The following DEPDC1B variants were observed in gnomAD, a reference collection of about 807,000 sequenced individuals.
DEPDC1B encodes the protein DEP domain containing 1B, also known as DEP domain-containing protein 1B.
Under a neutral mutation model 66.5 loss-of-function variants are expected in DEPDC1B, and 51 were observed. The ratio of observed to expected loss-of-function variants is 0.77; its 90% confidence interval spans 0.61 to 0.97. The LOEUF (loss-of-function observed/expected upper bound fraction) is 0.97, where lower values mean the gene tolerates loss of function less well. Among genes scored for constraint, DEPDC1B ranks in the 50% least tolerant of loss-of-function variants. The pLI, the probability that DEPDC1B is intolerant of heterozygous loss-of-function variation, is 0.00. For synonymous variants in DEPDC1B, 226 were observed against 223.6 expected (o/e 1.01, Z -0.10); for missense variants, 552 against 637.1 (o/e 0.87, Z 1.44).
intron 2 of DEPDC1B, among the ~76,000 whole-genome samples, chr5:60,682,251 A>C (rs1451128162): frequency 1.3e-5 from 2 of 152,354 alleles, no homozygotes; most frequent in African/African-American, 4.8e-5. Context: ...CATTCTCAGC[A>C]AACTATCGCA....
chr5:60,699,441 C>CAAAAAAAAAAAAAA (rs1250552536), intron 1 of DEPDC1B, among the ~76,000 whole-genome samples: 1 of 13,956 alleles, frequency 7.2e-5, no homozygotes, highest in African/African-American at 1.3e-3. Flanking sequence ...GCTTTTCTCC[C>CAAAAAAAAAAAAAA]AGAAAAAAAA....
chr5:60,699,449 A>AAAAAAC (rs1554056854), intron 1 of DEPDC1B, among the ~76,000 whole-genome samples: 1 of 59,118 alleles, frequency 1.7e-5, no homozygotes, highest in Non-Finnish European at 3.8e-5. Context: ...CCCAGAAAAA[A>AAAAAAC]AAAAAAAAAA....
chr5:60,597,442 T>C lies in DEPDC1B; in HGVS notation c.*311A>G, dbSNP rs1296056496. On this transcript the variant is annotated 3_prime_UTR_variant, in exon 11 of 11. Transcript: ENST00000265036. ...AGGATGTATATACACAATTATTTAA[T>C]AAACACCATGAAAAAGAAAGCACAG... 1.2e-5 allele frequency: 3 copies of C among 245,118 alleles called. No individual in the cohort carries two copies. The highest frequency in any genetic ancestry group is 4.7e-5 in the African/African-American group (2 of 42,586). 15.2% of individuals were successfully genotyped at this position (245,118 alleles called of 1,614,324 possible).
At chr5:60,699,460 A>AAAAAAAAAAAAAAAAAAAAAAAG (rs1287753169) in intron 1 of DEPDC1B, among the ~76,000 whole-genome samples, 1 of 76,312 alleles carries the variant, frequency 1.3e-5, no homozygotes, top group Non-Finnish European at 2.9e-5. Context: ...AAAAAAAAAA[A>AAAAAAAAAAAAAAAAAAAAAAAG]AACAGGAACT....
chr5:60,683,574 A>G (rs1305605826), intron 2 of DEPDC1B, among the ~76,000 whole-genome samples: 1 of 152,234 alleles, frequency 6.6e-6, no homozygotes, highest in Non-Finnish European at 1.5e-5. Context: ...ACATCCATTC[A>G]TAACAAAAAC....
At chr5:60,650,392 T>G (rs142018832) in intron 2 of DEPDC1B, among the ~76,000 whole-genome samples, 213 of 152,300 alleles carry the variant, frequency 1.4e-3, no homozygotes, top group Non-Finnish European at 2.2e-3. Flanking sequence ...GGCCGGATAG[T>G]TCTTTGTTGT....
rs1321688815 is a variant in DEPDC1B, at chr5:60,645,495, G to A, written c.575C>T (p.Ser192Leu). The change falls in exon 4 of 11, where the codon TCA (serine) becomes TTA (leucine). Residue 192 changes from serine to leucine, a missense_variant. By Grantham distance (145) the Ser-to-Leu change is moderately radical (BLOSUM62 -2). Coordinates refer to ENST00000265036, the MANE Select transcript of DEPDC1B (RefSeq NM_018369.3). ...VEEIWKSMTL[S>L]YLQKILGLDS... The stretch of plus-strand genomic sequence containing the variant: ...CATTAATATCAAATGTACATACTAT[G>A]ATAATGTCATAGACTTCCATATCTC... 4 of 1,606,762 alleles carry A rather than the reference G, an allele frequency of 2.5e-6. No homozygotes were observed. In the African/African-American group the frequency reaches 4.0e-5, roughly 16 times the overall value.
At chr5:60,612,401 C>T (rs954647923) in intron 7 of DEPDC1B, among the ~76,000 whole-genome samples, 2 of 146,604 alleles carry the variant, frequency 1.4e-5, no homozygotes, top group African/African-American at 5.1e-5. Context: ...CCAGCCTGGG[C>T]AACAGCACAA....
At chr5:60,615,398 CAAAG>C (rs1752522852) in intron 7 of DEPDC1B, among the ~76,000 whole-genome samples, 1 of 152,164 alleles carries the variant, frequency 6.6e-6, no homozygotes, top group Non-Finnish European at 1.5e-5. Context: ...CTTTCCTAGT[CAAAG>C]AAAGGGGTGA....
In DEPDC1B at chr5:60,616,038, G is replaced by C. The variant is rs182088429; in HGVS notation, c.899-10182C>G. Among the ~76,000 whole-genome samples the C allele has an allele frequency of 1.6e-3, 244 of 152,310 alleles. 4 individuals are homozygous for C. Among genetic ancestry groups the C allele is most frequent in the Non-Finnish European group, 3.4e-4 (23 of 68,040 alleles). On this transcript the variant is annotated intron_variant, in intron 7 of 10. Coordinates refer to ENST00000265036, the MANE Select transcript of DEPDC1B (RefSeq NM_018369.3). ...CTGATACCCAGGCAAACAGGGTCTG[G>C]AGTGGACCTCCAGCAAACACCAACA... is the stretch of plus-strand genomic sequence containing the variant.
At chr5:60,664,547 C>T (rs1027422390) in intron 2 of DEPDC1B, among the ~76,000 whole-genome samples, 3 of 152,202 alleles carry the variant, frequency 2.0e-5, no homozygotes, top group South Asian at 2.1e-4. Flanking sequence ...AAAGATAGAA[C>T]GTAACTGTCA....
At chr5:60,692,446 T>A (rs1287655726) in intron 1 of DEPDC1B, among the ~76,000 whole-genome samples, 1 of 152,148 alleles carries the variant, frequency 6.6e-6, no homozygotes, top group Non-Finnish European at 1.5e-5. Flanking sequence ...TATACAACTA[T>A]AATTTGTCAG....
At chr5:60,644,536 T>G (rs1414231906) in intron 5 of DEPDC1B, among the ~76,000 whole-genome samples, 1 of 152,192 alleles carries the variant, frequency 6.6e-6, no homozygotes, top group Non-Finnish European at 1.5e-5. Context: ...AGCTTCTGGA[T>G]GGATTTTGCT....
intron 5 of DEPDC1B, among the ~76,000 whole-genome samples, chr5:60,643,523 T>C (rs1001789032): frequency 1.3e-5 from 2 of 152,244 alleles, no homozygotes; most frequent in Admixed American, 1.3e-4. Flanking sequence ...TCATCTTCTC[T>C]ATTTCTGTAA....
At chr5:60,692,835 G>T (rs983935025) in intron 1 of DEPDC1B, among the ~76,000 whole-genome samples, 1 of 152,098 alleles carries the variant, frequency 6.6e-6, no homozygotes, top group African/African-American at 2.4e-5. Context: ...ATTGCTACAT[G>T]CCATAACATA....
chr5:60,691,730 A>C (rs1215780745), intron 1 of DEPDC1B, among the ~76,000 whole-genome samples: 3 of 152,246 alleles, frequency 2.0e-5, no homozygotes, highest in African/African-American at 7.2e-5. Context: ...GTTAAACCTC[A>C]TTAATTATCA....
intron 1 of DEPDC1B, among the ~76,000 whole-genome samples, chr5:60,697,419 G>A (rs2112056272): frequency 6.6e-6 from 1 of 152,248 alleles, no homozygotes; most frequent in East Asian, 1.9e-4. Context: ...TTTAGAATGA[G>A]CATGATGGGA....
At chr5:60,634,147 C>T (rs951183812) in intron 7 of DEPDC1B, among the ~76,000 whole-genome samples, 8 of 152,174 alleles carry the variant, frequency 5.3e-5, no homozygotes, top group South Asian at 2.1e-4. Context: ...GTGACCAGTA[C>T]CCTTCTAAGA....
chr5:60,615,684 C>T (rs867819572), intron 7 of DEPDC1B, among the ~76,000 whole-genome samples: 2 of 152,176 alleles, frequency 1.3e-5, no homozygotes, highest in African/African-American at 4.8e-5. Context: ...CTCAAGGAGG[C>T]CTGCCTGCCT....
Sources: gnomAD v4.1 joint callset for allele counts (sites outside exome capture counted in the v4.1 genomes callset) on GRCh38, gnomAD v4.1.1 for gene constraint, MANE v1.5 for transcripts, NCBI Gene and HGNC (gene_info 2026-07-23, HGNC 2026-07-21) for gene names.